The following SORCS2 variants were observed in gnomAD, a reference collection of about 807,000 sequenced individuals.
SORCS2 encodes VPS10 domain-containing receptor SorCS2.
In SORCS2, 100 loss-of-function variants were observed where a neutral mutation model predicts 141.6. The observed-to-expected ratio is 0.71, with a 90% CI of 0.60 to 0.83. The LOEUF (loss-of-function observed/expected upper bound fraction) is 0.83. Among genes scored for constraint, SORCS2 ranks in the 40% least tolerant of loss-of-function variants. The pLI is 0.00. For missense variants in SORCS2, 1,646 were observed against 1,560.2 expected (o/e 1.05, Z -0.93); for synonymous variants, 789 against 676.9 (o/e 1.17, Z -2.57).
At chr4:7,305,430 C>G (rs1717750588) in intron 1 of SORCS2, among the ~76,000 whole-genome samples, 1 of 151,664 alleles carries the variant, frequency 6.6e-6, no homozygotes, top group South Asian at 2.1e-4. Flanking sequence ...GGGTGCCCGG[C>G]CAGTGCTAAA....
intron 10 of SORCS2, among the ~76,000 whole-genome samples, chr4:7,683,183 G>T (rs1206392372): frequency 6.6e-6 from 1 of 152,096 alleles, no homozygotes; most frequent in Admixed American, 6.6e-5. Context: ...TCAGCTGGGC[G>T]GCTCTGCTGA....
intron 1 of SORCS2, among the ~76,000 whole-genome samples, chr4:7,231,019 TATCC>T (rs1235749702): frequency 1.3e-5 from 2 of 152,220 alleles, no homozygotes; most frequent in African/African-American, 4.8e-5. Flanking sequence ...TCCATATCCA[TATCC>T]ATATCTGTAT....
chr4:7,195,961 A>G (rs1431852461), intron 1 of SORCS2, among the ~76,000 whole-genome samples: 1 of 152,220 alleles, frequency 6.6e-6, no homozygotes, highest in Non-Finnish European at 1.5e-5. Context: ...CTTCAAAATT[A>G]AAAGGAGCAT....
intron 14 of SORCS2, among the ~76,000 whole-genome samples, chr4:7,712,517 T>G (rs1032481783): frequency 1.3e-5 from 2 of 152,100 alleles, no homozygotes; most frequent in African/African-American, 4.8e-5. Flanking sequence ...CAGGTGGTAG[T>G]TGTGGGAATA....
chr4:7,250,511 C>A (rs1434952643), intron 1 of SORCS2, among the ~76,000 whole-genome samples: 1 of 152,244 alleles, frequency 6.6e-6, no homozygotes, highest in South Asian at 2.1e-4. Context: ...TAGAGACTTT[C>A]CAAGATTTAT....
intron 10 of SORCS2, among the ~76,000 whole-genome samples, chr4:7,686,288 G>T (rs1577073694): frequency 6.6e-6 from 1 of 152,376 alleles, no homozygotes; most frequent in South Asian, 2.1e-4. Flanking sequence ...CATTCACCGT[G>T]CAGTCCATGG....
At chr4:7,491,895 A>G (rs10022476) in intron 2 of SORCS2, among the ~76,000 whole-genome samples, 24,046 of 152,224 alleles carry the variant, frequency 0.16, 2,978 homozygotes, top group African/African-American at 0.35. Flanking sequence ...GTGGGAAGGC[A>G]GACAGCAGGG....
chr4:7,577,397 C>T (rs540623065), intron 3 of SORCS2, among the ~76,000 whole-genome samples: 55 of 152,020 alleles, frequency 3.6e-4, no homozygotes, highest in South Asian at 1.7e-3. Flanking sequence ...AGCATACAGG[C>T]GAAGTCAGCT....
chr4:7,534,042 A>G (rs79070548), intron 3 of SORCS2, among the ~76,000 whole-genome samples: 2,122 of 152,344 alleles, frequency 0.014, 52 homozygotes, highest in African/African-American at 0.048. Context: ...CCCTGGGCAC[A>G]GGCTGGATTT....
At chr4:7,320,242 A>C (rs1718814935) in intron 1 of SORCS2, among the ~76,000 whole-genome samples, 1 of 152,236 alleles carries the variant, frequency 6.6e-6, no homozygotes, top group Non-Finnish European at 1.5e-5. Flanking sequence ...AATCAAAAAA[A>C]TCAAACGCTG....
chr4:7,232,937 A>C (rs1355452237), intron 1 of SORCS2, among the ~76,000 whole-genome samples: 1 of 152,180 alleles, frequency 6.6e-6, no homozygotes, highest in African/African-American at 2.4e-5. Context: ...CCATAGAGAC[A>C]CTGCTGCACT....
chr4:7,388,042 A>ACATG (rs1723577132), intron 1 of SORCS2, among the ~76,000 whole-genome samples: 1 of 151,608 alleles, frequency 6.6e-6, no homozygotes, highest in Non-Finnish European at 1.5e-5. Context: ...ACACATGCAC[A>ACATG]CACACATGCA....
At chr4:7,311,387 G>A (rs1379903427) in intron 1 of SORCS2, among the ~76,000 whole-genome samples, 2 of 152,134 alleles carry the variant, frequency 1.3e-5, no homozygotes, top group African/African-American at 2.4e-5. Flanking sequence ...ACTCCTATAC[G>A]AGCTTTCGTG....
intron 23 of SORCS2, among the ~76,000 whole-genome samples, chr4:7,731,881 A>G (rs1252496929): frequency 6.6e-6 from 1 of 152,260 alleles, no homozygotes; most frequent in African/African-American, 2.4e-5. Flanking sequence ...AAAACTATGC[A>G]TCAGTTTGAG....
At chr4:7,401,437 T>G (rs1006874180) in intron 2 of SORCS2, among the ~76,000 whole-genome samples, 4 of 152,108 alleles carry the variant, frequency 2.6e-5, no homozygotes, top group African/African-American at 9.7e-5. Flanking sequence ...GAGAAGACCC[T>G]TTACATTTAC....
intron 2 of SORCS2, among the ~76,000 whole-genome samples, chr4:7,399,718 C>T (rs1317424508): frequency 3.9e-5 from 6 of 152,160 alleles, no homozygotes; most frequent in Non-Finnish European, 7.4e-5. Context: ...GCCACAGAAG[C>T]CACAGAGGGT....
At chr4:7,272,961 G>C (rs1715244887) in intron 1 of SORCS2, among the ~76,000 whole-genome samples, 1 of 152,236 alleles carries the variant, frequency 6.6e-6, no homozygotes, top group Admixed American at 6.5e-5. Context: ...GTGGGCCCTG[G>C]ACCAATGTGG....
chr4:7,700,446 G>A (rs991766181), intron 12 of SORCS2, among the ~76,000 whole-genome samples: 6 of 152,134 alleles, frequency 3.9e-5, no homozygotes, highest in African/African-American at 1.4e-4. Flanking sequence ...CATCTATGCT[G>A]GCATCCCCAA....
At chr4:7,277,401 T>C (rs369237075) in intron 1 of SORCS2, among the ~76,000 whole-genome samples, 79 of 152,272 alleles carry the variant, frequency 5.2e-4, no homozygotes, top group African/African-American at 1.8e-3. Flanking sequence ...TTTGTGTGTG[T>C]GTGCAGCTTC....
Sources: allele counts gnomAD v4.1 joint callset (sites outside exome capture counted in the v4.1 genomes callset), GRCh38; gene constraint gnomAD v4.1.1; transcripts MANE v1.5; gene names NCBI Gene and HGNC (gene_info 2026-07-23, HGNC 2026-07-21).